The following MXD1 variants were observed in gnomAD, a reference collection of about 807,000 sequenced individuals.
The protein encoded by MXD1 is MAX dimerization protein 1, also known as MAX-binding protein.
MXD1 carries 9 observed loss-of-function variants against 25.7 expected under a neutral mutation model. That is an observed-to-expected ratio of 0.35 (90% CI 0.21 to 0.61). The LOEUF (loss-of-function observed/expected upper bound fraction) is 0.61. Ranked by LOEUF, MXD1 falls within the 20% of genes least tolerant of loss-of-function variation. The pLI is 0.75. For synonymous variants in MXD1, 99 were observed against 113.9 expected (o/e 0.87, Z 0.83); for missense variants, 227 against 292.4 (o/e 0.78, Z 1.63).
chr2:69,925,518 C>T (rs1677153197), intron 3 of MXD1, among the ~76,000 whole-genome samples: 1 of 152,094 alleles, frequency 6.6e-6, no homozygotes, highest in African/African-American at 2.4e-5. Flanking sequence ...CACCTGCTAA[C>T]ATTTGTTCTA....
At position 69,942,679 on chromosome 2, in the gene MXD1, T is replaced by G. The variant is rs900534871; in HGVS notation, c.*4395T>G. On this transcript the variant is annotated 3_prime_UTR_variant, in exon 6 of 6. Coordinates refer to ENST00000264444, the MANE Select transcript of MXD1 (RefSeq NM_002357.4). The stretch of plus-strand genomic sequence containing the variant: ...GGAATATTGCTGTTACCATCATTTT[T>G]GGGGGGCCATCTTCCTAATGCTACA... 1 of 152,232 alleles carries G rather than the reference T, an allele frequency of 6.6e-6. No individual in the cohort carries two copies. Among genetic ancestry groups the G allele is most frequent in the Non-Finnish European group, 1.5e-5 (1 of 68,040 alleles). 9.4% of individuals were successfully genotyped at this position (152,232 alleles called of 1,614,324 possible).
At chr2:69,917,840 AT>A (rs67395004) in intron 2 of MXD1, among the ~76,000 whole-genome samples, 33,264 of 97,658 alleles carry the variant, frequency 0.34, 3,682 homozygotes, top group African/African-American at 0.47. Flanking sequence ...AAAAAAAAAA[AT>A]AAAGGCTACA....
At chr2:69,922,821 G>A (rs910268244) in intron 3 of MXD1, among the ~76,000 whole-genome samples, 7 of 151,214 alleles carry the variant, frequency 4.6e-5, no homozygotes, top group Admixed American at 1.3e-4. Flanking sequence ...CGGAGGTTGC[G>A]GTGAGCCGAG....
At chr2:69,935,606 T>C in intron 4 of MXD1, 141 bp downstream of exon 4, 1 of 645,860 alleles carries the variant, frequency 1.5e-6, no homozygotes, top group Non-Finnish European at 2.9e-6. Context: ...AAATGCAACA[T>C]ATTCAAAACC....
At chr2:69,934,669 A>G (rs1260570755) in intron 3 of MXD1, among the ~76,000 whole-genome samples, 11 of 152,184 alleles carry the variant, frequency 7.2e-5, no homozygotes, top group African/African-American at 1.4e-4. Flanking sequence ...GTTTTCCTCC[A>G]TCTTTAAGAT....
intron 3 of MXD1, among the ~76,000 whole-genome samples, chr2:69,922,500 C>T (rs1380139052): frequency 2.0e-5 from 3 of 152,164 alleles, no homozygotes; most frequent in African/African-American, 4.8e-5. Context: ...ATACATTATA[C>T]ACATACACTT....
rs988523755 is a variant in MXD1 at position 69,941,471 on chromosome 2, C to T, written c.*3187C>T. The T allele has an allele frequency of 2.0e-5, 3 of 152,208 alleles. No homozygotes were observed. Among genetic ancestry groups the T allele is most frequent in the Non-Finnish European group, 4.4e-5 (3 of 68,048 alleles). 9.4% of individuals were successfully genotyped at this position (152,208 alleles called of 1,614,324 possible). ...AATGCATCACATTTTTAGGCAGGAC[C>T]TAGATTTTCCCTGTCAACCTAAGAT... On this transcript the variant is annotated 3_prime_UTR_variant, in exon 6 of 6. Transcript: ENST00000264444.
At position 69,921,720 on chromosome 2, in the gene MXD1, T is replaced by C. The variant is rs1401955226; in HGVS notation, c.174-16T>C. On this transcript the variant is annotated splice_polypyrimidine_tract_variant and intron_variant, in intron 2 of 5. Coordinates refer to ENST00000264444, the MANE Select transcript of MXD1 (RefSeq NM_002357.4). ...ACAAAAATATCTTATTCTTCTCTTA[T>C]TGTTCCCTCTTTCAGATCAACTCAC... 6.2e-7 allele frequency: 1 copy of C among 1,607,276 alleles called. No homozygotes were observed. The highest frequency in any genetic ancestry group is 8.5e-7 in the Non-Finnish European group (1 of 1,176,448).
intron 3 of MXD1, among the ~76,000 whole-genome samples, chr2:69,925,678 G>T (rs1287942395): frequency 6.6e-6 from 1 of 151,964 alleles, no homozygotes; most frequent in Non-Finnish European, 1.5e-5. Context: ...TATATTATAT[G>T]AATATGTTAA....
chr2:69,926,448 A>G (rs1054694815), intron 3 of MXD1, among the ~76,000 whole-genome samples: 1 of 152,134 alleles, frequency 6.6e-6, no homozygotes, highest in African/African-American at 2.4e-5. Flanking sequence ...TTAAAAATTG[A>G]CATTGCATAA....
chr2:69,931,052 T>C (rs1677269742), intron 3 of MXD1, among the ~76,000 whole-genome samples: 1 of 152,350 alleles, frequency 6.6e-6, no homozygotes, highest in East Asian at 1.9e-4. Flanking sequence ...TTAATTTTTG[T>C]GGGTATGTAG....
In MXD1 at chr2:69,921,460, A is replaced by G. The variant is rs1028890323; in HGVS notation, c.174-276A>G. 2.0e-5 allele frequency among the ~76,000 whole-genome samples: 3 copies of G among 152,032 alleles called. No individual in the cohort carries two copies. The East Asian group carries it at 5.8e-4, about 29-fold the overall frequency. ...CGTGCAGCTGTTTTTGTATAAATAG[A>G]CCCCTTTTATTTCTTGTCTTAAAAT... On this transcript the variant is annotated intron_variant, in intron 2 of 5. Transcript: ENST00000264444.
rs143421703 is a variant in MXD1, at chr2:69,931,002, A to T, written c.204-4349A>T. ...ACAGGGAGTAAGTGGCAGAGCCAGG[A>T]TCTCAAACATTTACTCTTTTTTAAA... is the stretch of plus-strand genomic sequence containing the variant. On this transcript the variant is annotated intron_variant, in intron 3 of 5. Coordinates refer to ENST00000264444, the MANE Select transcript of MXD1 (RefSeq NM_002357.4). Among the ~76,000 whole-genome samples the T allele has an allele frequency of 1.5e-4, 23 of 152,326 alleles. No individual in the cohort carries two copies. In the East Asian group the frequency reaches 2.9e-3, roughly 19 times the overall value.
intron 3 of MXD1, among the ~76,000 whole-genome samples, chr2:69,931,744 A>T (rs1263513205): frequency 6.6e-6 from 1 of 152,214 alleles, no homozygotes; most frequent in African/African-American, 2.4e-5. Flanking sequence ...AGCATGACTT[A>T]TTATAGTTCA....
At chr2:69,923,277 T>A (rs1004915329) in intron 3 of MXD1, among the ~76,000 whole-genome samples, 3 of 152,184 alleles carry the variant, frequency 2.0e-5, no homozygotes, top group Admixed American at 1.3e-4. Flanking sequence ...TGTGCAGCCA[T>A]GGCGGAGAAC....
rs748119324 is a variant in MXD1 at position 69,937,355 on chromosome 2, G to A, written c.439G>A (p.Gly147Ser). Residue 147 changes from glycine to serine, a missense_variant, in exon 5 of 6, where the codon GGC becomes AGC. Gly to Ser is a moderately conservative substitution (Grantham distance 56, BLOSUM62 0). Coordinates refer to ENST00000264444, the MANE Select transcript of MXD1 (RefSeq NM_002357.4). ...TGAGAGGATCCGGATGGACAGCATC[G>A]GCTCCACCGTCTCCTCGGAGCGCTC... ...GIERIRMDSI[G>S]STVSSERSDS... is the part of the protein sequence containing the mutation. 2.1e-5 allele frequency: 34 copies of A among 1,613,624 alleles called. No homozygotes were observed. Among genetic ancestry groups the A allele is most frequent in the East Asian group, 2.0e-4 (9 of 44,888 alleles).
chr2:69,921,513 G>T (rs1241958969), intron 2 of MXD1, among the ~76,000 whole-genome samples: 1 of 152,134 alleles, frequency 6.6e-6, no homozygotes, highest in Non-Finnish European at 1.5e-5. Context: ...GAGAAGGCAT[G>T]CTTCTTGGTT....
intron 4 of MXD1, 194 bp from the exon 5 acceptor site, chr2:69,937,041 G>A (rs752768718): frequency 1.5e-5 from 11 of 745,806 alleles, no homozygotes; most frequent in East Asian, 1.1e-4. Context: ...CAGCACTGGC[G>A]ATGCTGAAGA....
rs982138907 is a variant in MXD1, at chr2:69,926,338, C to CTTT, written c.203+4582_203+4584dup. On this transcript the variant is annotated intron_variant, in intron 3 of 5. Transcript: ENST00000264444. Reference sequence around the variant, plus strand: ...TGCCAATATATACCCTTTCATTCTCCTTTTTTTTTTTCCATGCCCTTATCT... The same window carrying CTTT: ...TGCCAATATATACCCTTTCATTCTCCTTTTTTTTTTTTTTCCATGCCCTTATCT... 7.5e-5 allele frequency among the ~76,000 whole-genome samples: 11 copies of CTTT among 146,506 alleles called. No homozygotes were observed. In the South Asian group the frequency reaches 2.1e-3, roughly 29 times the overall value.
Sources: allele counts gnomAD v4.1 joint callset (sites outside exome capture counted in the v4.1 genomes callset), GRCh38; gene constraint gnomAD v4.1.1; transcripts MANE v1.5; gene names NCBI Gene and HGNC (gene_info 2026-07-23, HGNC 2026-07-21).